SPAG9: variants seen among roughly 807,000 people sequenced by gnomAD.
SPAG9 encodes sperm associated antigen 9.
A neutral mutation model predicts 166.5 loss-of-function variants in SPAG9; 35 were observed. The ratio of observed to expected loss-of-function variants is 0.21; its 90% CI spans 0.16 to 0.28. SPAG9 has a LOEUF of 0.28. Ranked by LOEUF, SPAG9 falls within the 10% of genes least tolerant of loss-of-function variation. SPAG9 has a pLI of 1.00. For synonymous variants in SPAG9, 534 were observed against 565.5 expected (o/e 0.94, Z 0.79); for missense variants, 1,235 against 1,603.3 (o/e 0.77, Z 3.92).
chr17:51,031,710 G>C lies in SPAG9; in HGVS notation c.754C>G (p.Pro252Ala), dbSNP rs1235913204. Residue 252 changes from proline to alanine, a missense_variant, in exon 6 of 30, where the codon CCT (proline) becomes GCT (alanine). This residue lies in a region of SPAG9 where 288 missense variants were observed against 323.7 expected (regional missense o/e 0.89). Transcript: ENST00000262013. ...TGTTCTACAGCCTTCTGAGGTTCAG[G>C]ACTATTGCTGACCTAGGAAGAGGGA... ...SHTSLKVSNS[P>A]EPQKAVEQED... The C allele has an allele frequency of 6.4e-7, 1 of 1,550,778 alleles. No individual in the cohort carries two copies. Among genetic ancestry groups the C allele is most frequent in the Non-Finnish European group, 8.7e-7 (1 of 1,146,378 alleles).
chr17:51,000,660 G>A (rs1201385335), intron 13 of SPAG9, among the ~76,000 whole-genome samples: 1 of 150,334 alleles, frequency 6.7e-6, no homozygotes, highest in Non-Finnish European at 1.5e-5. Context: ...TGAACCCAGG[G>A]GGTGGAGGTT....
intron 16 of SPAG9, 192 bp from the exon 17 acceptor site, chr17:50,995,725 G>A (rs2044649912): frequency 1.8e-6 from 1 of 544,086 alleles, no homozygotes; most frequent in Non-Finnish European, 3.2e-6. Context: ...GCAGTGGCTT[G>A]ATCATGGCTC....
chr17:50,995,296 TA>T (rs2044628090), intron 17 of SPAG9, 72 bp from the exon 18 acceptor site: 1 of 1,436,406 alleles, frequency 7.0e-7, no homozygotes. Flanking sequence ...TTAAAATAAC[TA>T]ATGGTTGTAA....
At chr17:51,062,549 CTTCT>C (rs1225526945) in intron 2 of SPAG9, among the ~76,000 whole-genome samples, 2 of 152,084 alleles carry the variant, frequency 1.3e-5, no homozygotes, top group Non-Finnish European at 2.9e-5. Context: ...TTCAGATTGG[CTTCT>C]TTCACTTAGT....
At chr17:51,060,288 T>C (rs2047469623) in intron 2 of SPAG9, among the ~76,000 whole-genome samples, 1 of 151,766 alleles carries the variant, frequency 6.6e-6, no homozygotes, top group Non-Finnish European at 1.5e-5. Flanking sequence ...GTGGATTACC[T>C]GGGCAAGAGT....
chr17:51,093,494 AGATCGAGACCG>A (rs1232163888), intron 1 of SPAG9, among the ~76,000 whole-genome samples: 1 of 151,926 alleles, frequency 6.6e-6, no homozygotes, highest in Non-Finnish European at 1.5e-5. Context: ...CAAAGTCAGG[AGATCGAGACCG>A]TCCTGGCTAA....
intron 3 of SPAG9, among the ~76,000 whole-genome samples, chr17:51,053,869 A>AAG (rs1475675039): frequency 7.9e-5 from 7 of 88,346 alleles, no homozygotes; most frequent in African/African-American, 3.0e-4. Context: ...ATATATATAT[A>AAG]TATATATATA....
intron 2 of SPAG9, among the ~76,000 whole-genome samples, chr17:51,071,458 G>T (rs556251307): frequency 6.6e-6 from 1 of 152,206 alleles, no homozygotes; most frequent in East Asian, 1.9e-4. Context: ...TATTATTGCT[G>T]CTCCAGATAA....
chr17:51,097,576 T>TACATATATATAC (rs1325256272), intron 1 of SPAG9, among the ~76,000 whole-genome samples: 1 of 152,008 alleles, frequency 6.6e-6, no homozygotes, highest in African/African-American at 2.4e-5. Context: ...CATATATATG[T>TACATATATATAC]ACATATATAT....
intron 2 of SPAG9, among the ~76,000 whole-genome samples, chr17:51,060,572 T>C (rs1332083309): frequency 1.4e-5 from 2 of 141,542 alleles, no homozygotes; most frequent in Non-Finnish European, 3.1e-5. Context: ...GTCATTAAGG[T>C]GGGGCCCTGA....
rs1005896975 is a variant in SPAG9 at position 51,047,032 on chromosome 17, C to T, written c.590+343G>A. On this transcript the variant is annotated intron_variant, in intron 4 of 29. Coordinates refer to ENST00000262013, the MANE Select transcript of SPAG9 (RefSeq NM_001130528.3). ...AGCTAACCCTTTCAAACATGCCTCT[C>T]TGTAACAAAAAGGACTTCAAACCAA... 4 of 746,748 alleles carry T rather than the reference C, an allele frequency of 5.4e-6. No homozygotes were observed. In the Admixed American group the frequency reaches 1.9e-4, roughly 35 times the overall value. The allele number at this position is 746,748 out of a possible 1,614,324, so 46.3% of individuals were successfully genotyped here. A position where few individuals can be genotyped will look rare whatever the true frequency, so the allele number is the denominator to read the frequency against.
At position 50,978,899 on chromosome 17, in the gene SPAG9, A is replaced by G. The variant is rs116104878; in HGVS notation, c.3409+847T>C. ...CTGCACCTTGGTTACTAGGCAGAGAACAGACTGGGGTGGCAACAGGGAGCC... is the reference window on the plus strand; with the variant it reads ...CTGCACCTTGGTTACTAGGCAGAGAGCAGACTGGGGTGGCAACAGGGAGCC... On this transcript the variant is annotated intron_variant, in intron 26 of 29. Transcript: ENST00000262013. 8.7e-3 allele frequency among the ~76,000 whole-genome samples: 1,321 copies of G among 152,300 alleles called. 20 individuals carry two copies. Among genetic ancestry groups the G allele is most frequent in the African/African-American group, 0.03 (1,246 of 41,558 alleles).
At chr17:50,994,056 G>A in intron 18 of SPAG9, 121 bp from the exon 19 acceptor site, 1 of 957,536 alleles carries the variant, frequency 1.0e-6, no homozygotes, top group Non-Finnish European at 1.5e-6. Flanking sequence ...ATTTGGAAGG[G>A]TAAAAATACA....
In SPAG9 at chr17:51,052,067, TATTTAA is replaced by T. The variant is rs530117330; in HGVS notation, c.495+4339_495+4344del. On this transcript the variant is annotated intron_variant, in intron 3 of 29. Coordinates refer to ENST00000262013, the MANE Select transcript of SPAG9 (RefSeq NM_001130528.3). ...AAAATTTGATTTAAGAATAGTTGAC[TATTTAA>T]ATTTAAGAATAGTTATTCTTAAATC... Among the ~76,000 whole-genome samples the T allele has an allele frequency of 3.3e-4, 50 of 152,342 alleles. 1 individual carries two copies. The highest frequency in any genetic ancestry group is 2.9e-3 in the Admixed American group (44 of 15,302).
chr17:51,019,654 A>G (rs554767788), intron 8 of SPAG9, among the ~76,000 whole-genome samples: 1 of 152,276 alleles, frequency 6.6e-6, no homozygotes, highest in Admixed American at 6.5e-5. Flanking sequence ...GGAGTTCGAG[A>G]CCAGCCTGAC....
Position 50,990,680 on chromosome 17 carries a change from A to T in SPAG9, c.2399-12T>A. 1 of 1,605,500 alleles carries T rather than the reference A, an allele frequency of 6.2e-7. No homozygotes were observed. The highest frequency in any genetic ancestry group is 8.5e-7 in the Non-Finnish European group (1 of 1,172,140). On this transcript the variant is annotated splice_polypyrimidine_tract_variant and intron_variant, in intron 19 of 29. Transcript: ENST00000262013. ...TGTTTCTCGTGCACCTGAAAAATAA[A>T]TCTTCTTGTAACAGCAAAGTAAACT...
chr17:51,095,945 T>TTG (rs2048614567), intron 1 of SPAG9, among the ~76,000 whole-genome samples: 1 of 110,098 alleles, frequency 9.1e-6, no homozygotes, highest in Non-Finnish European at 1.7e-5. Context: ...AGTGATATAG[T>TTG]TATATATATA....
intron 4 of SPAG9, among the ~76,000 whole-genome samples, chr17:51,042,062 C>CTTTA: frequency 6.6e-6 from 1 of 152,228 alleles, no homozygotes; most frequent in East Asian, 1.9e-4. Flanking sequence ...TCTCGCTAAT[C>CTTTA]CCTGGATGTT....
chr17:51,018,222 A>AG (rs1370618343), intron 8 of SPAG9, among the ~76,000 whole-genome samples: 2 of 128,770 alleles, frequency 1.6e-5, no homozygotes, highest in Non-Finnish European at 3.1e-5. Context: ...GTGTGCCTGC[A>AG]GTCCCAGCTA....
Sources: allele counts gnomAD v4.1 joint callset (sites outside exome capture counted in the v4.1 genomes callset), GRCh38; gene constraint gnomAD v4.1.1; regional missense constraint gnomAD v4.1.1; transcripts MANE v1.5; gene names NCBI Gene and HGNC (gene_info 2026-07-23, HGNC 2026-07-21).